Variants in NWD2 observed in about 807,000 individuals in gnomAD.
NWD2 encodes the protein NACHT and WD repeat domain containing 2.
In NWD2, 37 loss-of-function variants were observed where a neutral mutation model predicts 132.7. The ratio of observed to expected loss-of-function variants is 0.28; its 90% CI spans 0.21 to 0.37. NWD2 has a LOEUF of 0.37. NWD2 is among the 10% of genes least tolerant of loss of function. NWD2 has a pLI of 1.00. For missense variants in NWD2, 1,592 were observed against 2,122.4 expected (o/e 0.75, Z 4.91); for synonymous variants, 705 against 803.0 (o/e 0.88, Z 2.06).
intron 1 of NWD2, among the ~76,000 whole-genome samples, chr4:37,300,085 A>G (rs1220831835): frequency 6.6e-6 from 1 of 152,048 alleles, no homozygotes; most frequent in Non-Finnish European, 1.5e-5. Context: ...GGAAAGTTTT[A>G]TTTATATGTC....
chr4:37,324,146 G>A lies in NWD2; in HGVS notation c.152-1790G>A, dbSNP rs572473410. Among the ~76,000 whole-genome samples, 5 of 152,032 alleles carry A rather than the reference G, an allele frequency of 3.3e-5. No individual in the cohort carries two copies. The South Asian group carries it at 1.0e-3, about 32-fold the overall frequency. ...ACAAACCTGCACATGTACCCCCTGT[G>A]TCTAAAATAAGAGTTGAAATTAAAA... On this transcript the variant is annotated intron_variant, in intron 1 of 6. Coordinates refer to ENST00000309447, the MANE Select transcript of NWD2 (RefSeq NM_001144990.2).
intron 3 of NWD2, among the ~76,000 whole-genome samples, chr4:37,385,009 C>A (rs74287795): frequency 0.12 from 18,558 of 152,170 alleles, 1,448 homozygotes; most frequent in Admixed American, 0.17. Flanking sequence ...ATATATGTAT[C>A]AAGACATCAT....
intron 1 of NWD2, among the ~76,000 whole-genome samples, chr4:37,248,454 T>G (rs547318927): frequency 6.6e-6 from 1 of 152,206 alleles, no homozygotes; most frequent in Non-Finnish European, 1.5e-5. Flanking sequence ...GGTGATAGCA[T>G]TATCCCAGAT....
intron 3 of NWD2, among the ~76,000 whole-genome samples, chr4:37,380,724 A>G (rs777083753): frequency 3.9e-5 from 6 of 152,194 alleles, no homozygotes; most frequent in Non-Finnish European, 8.8e-5. Context: ...CATATTACAA[A>G]TGCTATTTTG....
intron 2 of NWD2, among the ~76,000 whole-genome samples, chr4:37,326,924 G>C (rs1719184403): frequency 6.6e-6 from 1 of 152,116 alleles, no homozygotes; most frequent in Non-Finnish European, 1.5e-5. Flanking sequence ...GTTGTATAAA[G>C]TAACAGTCTC....
chr4:37,277,861 TG>T (rs1306217760), intron 1 of NWD2, among the ~76,000 whole-genome samples: 2 of 152,276 alleles, frequency 1.3e-5, no homozygotes, highest in East Asian at 1.9e-4. Context: ...TGAAGATTAT[TG>T]TTTTTTTTCT....
intron 1 of NWD2, among the ~76,000 whole-genome samples, chr4:37,292,399 G>A (rs1197516140): frequency 1.3e-5 from 2 of 152,114 alleles, no homozygotes; most frequent in Non-Finnish European, 1.5e-5. Flanking sequence ...ATGTGAGGAC[G>A]CAGCAGGAGG....
At chr4:37,376,249 G>A (rs1318781972) in intron 3 of NWD2, among the ~76,000 whole-genome samples, 3 of 152,186 alleles carry the variant, frequency 2.0e-5, no homozygotes, top group Non-Finnish European at 4.4e-5. Context: ...CAGAGAAAAT[G>A]AGAATGTCCA....
At chr4:37,370,623 A>G (rs1427272915) in intron 3 of NWD2, among the ~76,000 whole-genome samples, 1 of 152,226 alleles carries the variant, frequency 6.6e-6, no homozygotes, top group Non-Finnish European at 1.5e-5. Context: ...TGATTAACCA[A>G]CAGCAGGGAA....
chr4:37,326,009 T>C lies in NWD2; in HGVS notation c.225T>C (p.Tyr75=), dbSNP rs1302157984. 7 of 1,540,212 alleles carry C rather than the reference T, an allele frequency of 4.5e-6. No individual in the cohort carries two copies. The Admixed American group carries it at 1.2e-4, about 26-fold the overall frequency. The stretch of plus-strand genomic sequence containing the variant: ...TGAGAGAATTCTGCAGAGAAAACTA[T>C]GGATTGGAATTTCAGGTAATTCTAG... ...PKLREFCREN[Y]GLEFQVIDLY... The change falls in exon 2 of 7, where the codon TAT becomes TAC. Residue 75 remains tyrosine, a synonymous_variant. Transcript: ENST00000309447.
chr4:37,314,606 A>G (rs1718920178), intron 1 of NWD2, among the ~76,000 whole-genome samples: 1 of 152,160 alleles, frequency 6.6e-6, no homozygotes, highest in Non-Finnish European at 1.5e-5. Flanking sequence ...CTTCTGTAGC[A>G]TCAGTAGTGA....
At chr4:37,415,532 G>A (rs1315238862) in intron 3 of NWD2, among the ~76,000 whole-genome samples, 1 of 151,972 alleles carries the variant, frequency 6.6e-6, no homozygotes, top group East Asian at 1.9e-4. Context: ...GTGACACCCT[G>A]CCTTTACTAA....
At chr4:37,332,971 G>A (rs1719324822) in intron 2 of NWD2, among the ~76,000 whole-genome samples, 1 of 152,152 alleles carries the variant, frequency 6.6e-6, no homozygotes, top group South Asian at 2.1e-4. Context: ...TGTGAGCTTG[G>A]GGTAGTGGTG....
intron 3 of NWD2, among the ~76,000 whole-genome samples, chr4:37,360,179 T>C (rs960985030): frequency 6.6e-6 from 1 of 152,196 alleles, no homozygotes; most frequent in Non-Finnish European, 1.5e-5. Context: ...AAAGGATTGT[T>C]GTGGGGACCA....
At chr4:37,323,181 A>G (rs1719102901) in intron 1 of NWD2, among the ~76,000 whole-genome samples, 4 of 152,322 alleles carry the variant, frequency 2.6e-5, no homozygotes, top group African/African-American at 9.6e-5. Context: ...TACTTAGCAC[A>G]CTACTGGCCT....
At chr4:37,348,884 G>A (rs143005678) in intron 2 of NWD2, among the ~76,000 whole-genome samples, 3,422 of 151,004 alleles carry the variant, frequency 0.023, 125 homozygotes, top group African/African-American at 0.079. Context: ...CTCCCTGTGT[G>A]CATGTGTTCT....
intron 1 of NWD2, among the ~76,000 whole-genome samples, chr4:37,296,694 A>AGTGGAT (rs1718502775): frequency 6.6e-6 from 1 of 152,064 alleles, no homozygotes; most frequent in Admixed American, 6.6e-5. Flanking sequence ...CAGGAGCCAG[A>AGTGGAT]GTGGATGGGG....
chr4:37,332,945 G>C lies in NWD2; in HGVS notation c.240+6921G>C, dbSNP rs148419962. On this transcript the variant is annotated intron_variant, in intron 2 of 6. Coordinates refer to ENST00000309447, the MANE Select transcript of NWD2 (RefSeq NM_001144990.2). The stretch of plus-strand genomic sequence containing the variant: ...GGACCTCAAGTGAATGTTGGCAGTA[G>C]CCAGGCAGTACTTGCTGTGAGCTTG... Among the ~76,000 whole-genome samples the C allele has an allele frequency of 8.7e-3, 1,328 of 152,300 alleles. 10 individuals are homozygous for C. Among genetic ancestry groups the C allele is most frequent in the Non-Finnish European group, 0.013 (912 of 68,030 alleles).
intron 3 of NWD2, among the ~76,000 whole-genome samples, chr4:37,421,248 T>C (rs1711799111): frequency 6.6e-6 from 1 of 152,198 alleles, no homozygotes; most frequent in Admixed American, 6.5e-5. Flanking sequence ...ATTTCACAGT[T>C]CTCAATTTTG....
Sources: allele counts gnomAD v4.1 joint callset (sites outside exome capture counted in the v4.1 genomes callset), GRCh38; gene constraint gnomAD v4.1.1; transcripts MANE v1.5; gene names NCBI Gene and HGNC (gene_info 2026-07-23, HGNC 2026-07-21).